PTPRF: variants seen among roughly 807,000 people sequenced by gnomAD.
PTPRF encodes receptor-type tyrosine-protein phosphatase F.
PTPRF carries 59 observed loss-of-function variants against 201.8 expected under a neutral mutation model. The ratio of observed to expected loss-of-function variants is 0.29; its 90% CI spans 0.24 to 0.36. PTPRF has a LOEUF of 0.36. Ranked by LOEUF, PTPRF falls within the 10% of genes least tolerant of loss-of-function variation. The pLI is 1.00. For synonymous variants in PTPRF, 1,088 were observed against 1,089.7 expected (o/e 1.00, Z 0.03); for missense variants, 2,132 against 2,690.5 (o/e 0.79, Z 4.59).
chr1:43,558,744 G>A (rs1645574667), intron 5 of PTPRF, among the ~76,000 whole-genome samples: 1 of 152,226 alleles, frequency 6.6e-6, no homozygotes, highest in South Asian at 2.1e-4. Context: ...TCCCTCACCA[G>A]GGAGGGGGAG....
At chr1:43,594,995 G>C (rs1651888728) in intron 11 of PTPRF, among the ~76,000 whole-genome samples, 1 of 152,198 alleles carries the variant, frequency 6.6e-6, no homozygotes, top group Non-Finnish European at 1.5e-5. Context: ...AGGAGTACCT[G>C]TTGGACCGAG....
intron 23 of PTPRF, among the ~76,000 whole-genome samples, chr1:43,615,279 C>T (rs183186196): frequency 6.6e-5 from 10 of 152,324 alleles, no homozygotes; most frequent in South Asian, 2.1e-4. Context: ...CTTTGGGTCA[C>T]GGAGCCCGTA....
chr1:43,582,347 A>G (rs1647903386), intron 7 of PTPRF: 2 of 152,382 alleles, frequency 1.3e-5, no homozygotes, highest in South Asian at 4.1e-4. Context: ...GACTTTGTTC[A>G]CAGTTGCCTG....
intron 6 of PTPRF, among the ~76,000 whole-genome samples, chr1:43,574,343 CTG>C (rs1646783570): frequency 6.6e-6 from 1 of 152,090 alleles, no homozygotes; most frequent in South Asian, 2.1e-4. Flanking sequence ...GATATTAAGA[CTG>C]AGATTATTTT....
At chr1:43,534,191 T>G (rs543604891) in intron 1 of PTPRF, among the ~76,000 whole-genome samples, 90 of 152,196 alleles carry the variant, frequency 5.9e-4, no homozygotes, top group Admixed American at 3.1e-3. Flanking sequence ...TTGTGAAGTA[T>G]TCAGAGATGT....
In PTPRF at chr1:43,617,764, C is replaced by T. The variant is rs1038464908; in HGVS notation, c.4224C>T (p.Ala1408=). Residue 1408 remains alanine, a synonymous_variant, in exon 25 of 34, where the codon GCC becomes GCT. Transcript: ENST00000359947. ...TCCCCGGGAGTGACTACATCAATGC[C>T]AACTACATCGATGGCTACCGCAAGC... is the stretch of plus-strand genomic sequence containing the variant. ...DGVPGSDYIN[A]NYIDGYRKQN... 22 of 1,614,094 alleles carry T rather than the reference C, an allele frequency of 1.4e-5. No individual in the cohort carries two copies. The highest frequency in any genetic ancestry group is 1.9e-5 in the Non-Finnish European group (22 of 1,179,994).
Position 43,591,170 on chromosome 1 carries a change from C to T in PTPRF, c.1148C>T (p.Ser383Leu), listed in dbSNP as rs756633630. Residue 383 changes from serine (S) to leucine (L), a missense_variant, in exon 9 of 34, where the codon TCG (serine) becomes TTG (leucine). By Grantham distance (145) the Ser-to-Leu change is moderately radical (BLOSUM62 -2). Coordinates refer to ENST00000359947, the MANE Select transcript of PTPRF (RefSeq NM_002840.5). ...AGCATTGGCGGCCTCAGCCCTTTCT[C>T]GGAATATGCCTTCCGCGTGCTGGCG... is the stretch of plus-strand genomic sequence containing the variant. ...RYSIGGLSPFSEYAFRVLAVN... is the reference protein window; with the variant it reads ...RYSIGGLSPFLEYAFRVLAVN... 4.5e-5 allele frequency: 72 copies of T among 1,612,650 alleles called. No individual in the cohort carries two copies. The East Asian group carries it at 8.7e-4, about 19-fold the overall frequency.
intron 6 of PTPRF, among the ~76,000 whole-genome samples, chr1:43,570,171 A>G (rs1431430322): frequency 6.6e-6 from 1 of 152,154 alleles, no homozygotes; most frequent in East Asian, 1.9e-4. Flanking sequence ...AAAAGAGGCT[A>G]AAGGTGCCTG....
chr1:43,524,290 T>C (rs1387394632), upstream of PTPRF, among the ~76,000 whole-genome samples: 9 of 152,080 alleles, frequency 5.9e-5, no homozygotes, highest in African/African-American at 1.9e-4. Context: ...CACCAAAATC[T>C]CAGAATTCAC....
chr1:43,620,245 G>T lies in PTPRF; in HGVS notation c.5238+24G>T, dbSNP rs755124751. The T allele has an allele frequency of 1.2e-5, 20 of 1,612,562 alleles. No individual in the cohort carries two copies. The Admixed American group carries it at 3.3e-4, about 27-fold the overall frequency. Reference sequence around the variant, plus strand: ...GGGTGAGCCCACCCTTTCCCCCAGGGCCCCTGTCATACCTGGGAGAACACC... The same window carrying T: ...GGGTGAGCCCACCCTTTCCCCCAGGTCCCCTGTCATACCTGGGAGAACACC... On this transcript the variant is annotated intron_variant, in intron 30 of 33. Transcript: ENST00000359947.
At chr1:43,577,372 G>A (rs1350062569) in intron 6 of PTPRF, among the ~76,000 whole-genome samples, 1 of 152,256 alleles carries the variant, frequency 6.6e-6, no homozygotes, top group Non-Finnish European at 1.5e-5. Context: ...ACTGGGCCCT[G>A]GTGCTCCCTG....
At chr1:43,550,591 A>T (rs942168716) in intron 3 of PTPRF, among the ~76,000 whole-genome samples, 5 of 152,246 alleles carry the variant, frequency 3.3e-5, no homozygotes, top group Admixed American at 6.5e-5. Flanking sequence ...AGGAATCCAG[A>T]CAGGCATGCT....
intron 22 of PTPRF, among the ~76,000 whole-genome samples, chr1:43,611,371 C>T (rs770149425): frequency 3.9e-5 from 6 of 152,212 alleles, no homozygotes; most frequent in Non-Finnish European, 8.8e-5. Context: ...GAGAGAGCTC[C>T]TCAGTGGAAG....
chr1:43,530,543 C>T (rs1281044932), upstream of PTPRF, among the ~76,000 whole-genome samples: 1 of 151,968 alleles, frequency 6.6e-6, no homozygotes, highest in Non-Finnish European at 1.5e-5. This position sits in a 1 kb window ranked among gnomAD's most constrained non-coding sequence, Gnocchi z 4.1. Flanking sequence ...GGGTTTAGGG[C>T]AAGGTGTGGG....
At chr1:43,522,310 A>G (rs1642978009), upstream of PTPRF, among the ~76,000 whole-genome samples, 1 of 152,186 alleles carries the variant, frequency 6.6e-6, no homozygotes, top group Non-Finnish European at 1.5e-5. Flanking sequence ...GGTGAGCCTA[A>G]TAGAGGAAAT....
chr1:43,555,589 G>A (rs1156951286), intron 5 of PTPRF, among the ~76,000 whole-genome samples: 1 of 151,934 alleles, frequency 6.6e-6, no homozygotes, highest in Non-Finnish European at 1.5e-5. Flanking sequence ...GGGACTACAG[G>A]TGCGCACCAC....
chr1:43,601,337 A>G (rs1653690164), intron 13 of PTPRF, among the ~76,000 whole-genome samples: 1 of 152,188 alleles, frequency 6.6e-6, no homozygotes, highest in Non-Finnish European at 1.5e-5. Flanking sequence ...CAGCCCCGAA[A>G]CATTCCTTCC....
chr1:43,594,117 G>A (rs781630055), intron 11 of PTPRF, among the ~76,000 whole-genome samples: 53 of 152,186 alleles, frequency 3.5e-4, no homozygotes, highest in Non-Finnish European at 1.8e-4. Context: ...ACCGTGCATG[G>A]GGCCTGGCCC....
intron 2 of PTPRF, among the ~76,000 whole-genome samples, chr1:43,544,128 C>T (rs188628089): frequency 9.8e-5 from 15 of 152,334 alleles, no homozygotes; most frequent in African/African-American, 2.4e-4. Flanking sequence ...CAGTCCCAGA[C>T]GCTACTCAGT....
Sources: gnomAD v4.1 joint callset for allele counts (sites outside exome capture counted in the v4.1 genomes callset) on GRCh38, gnomAD v4.1.1 for gene constraint, Gnocchi (gnomAD v3.1) non-coding constraint, MANE v1.5 for transcripts, NCBI Gene and HGNC (gene_info 2026-07-23, HGNC 2026-07-21) for gene names.